Variants in TMEM207 observed in about 807,000 individuals in gnomAD.
The protein encoded by TMEM207 is SRSR846.
A neutral mutation model predicts 17.4 loss-of-function variants in TMEM207; 15 were observed. That is an observed-to-expected ratio of 0.86 (90% CI 0.58 to 1.33). TMEM207 has a LOEUF of 1.33. Among genes scored for constraint, TMEM207 ranks in the 40% most tolerant of loss-of-function variants. The pLI, the probability that TMEM207 is intolerant of heterozygous loss-of-function variation, is 0.00. For synonymous variants in TMEM207, 70 were observed against 65.6 expected (o/e 1.07, Z -0.33); for missense variants, 205 against 173.8 (o/e 1.18, Z -1.01).
chr3:190,444,729 C>T (rs1055363998), intron 2 of TMEM207, among the ~76,000 whole-genome samples: 2 of 152,170 alleles, frequency 1.3e-5, no homozygotes, highest in Non-Finnish European at 2.9e-5. Context: ...ACCAGATGTA[C>T]AACTATTCCT....
intron 4 of TMEM207, among the ~76,000 whole-genome samples, chr3:190,440,007 A>G (rs1377516991): frequency 6.6e-6 from 1 of 152,192 alleles, no homozygotes. Flanking sequence ...CAAAATATTT[A>G]GTTGCTTTCC....
At chr3:190,430,220 C>A (rs73055924) in intron 4 of TMEM207, among the ~76,000 whole-genome samples, 1 of 151,676 alleles carries the variant, frequency 6.6e-6, no homozygotes, top group Non-Finnish European at 1.5e-5. Flanking sequence ...GATGAAAGCA[C>A]GCATTTAAAG....
intron 4 of TMEM207, among the ~76,000 whole-genome samples, chr3:190,430,703 T>G (rs189585057): frequency 3.0e-4 from 45 of 152,220 alleles, no homozygotes; most frequent in Non-Finnish European, 5.4e-4. Context: ...ATTGAATTTA[T>G]GAAACACAAT....
chr3:190,430,409 T>C (rs1409950356), intron 4 of TMEM207, among the ~76,000 whole-genome samples: 1 of 151,872 alleles, frequency 6.6e-6, no homozygotes, highest in Non-Finnish European at 1.5e-5. Flanking sequence ...TTTTGGAAAT[T>C]GTCTGTTAGT....
chr3:190,444,558 C>T (rs561827428), intron 2 of TMEM207: 2 of 554,482 alleles, frequency 3.6e-6, no homozygotes, highest in Admixed American at 1.3e-4. Context: ...AGAGAATAGG[C>T]CAATAGTGAG....
chr3:190,438,785 A>G (rs2108535022), intron 4 of TMEM207, among the ~76,000 whole-genome samples: 1 of 152,332 alleles, frequency 6.6e-6, no homozygotes, highest in African/African-American at 2.4e-5. Flanking sequence ...TTTGACTAAC[A>G]TATTTTGTTA....
intron 4 of TMEM207, among the ~76,000 whole-genome samples, chr3:190,435,970 T>C (rs1278141732): frequency 6.6e-6 from 1 of 152,218 alleles, no homozygotes; most frequent in Admixed American, 6.5e-5. Context: ...ATAGTATCAG[T>C]AGTTCTGATT....
chr3:190,448,062 C>T (rs1326250885), intron 1 of TMEM207, among the ~76,000 whole-genome samples: 2 of 152,176 alleles, frequency 1.3e-5, no homozygotes, highest in Non-Finnish European at 2.9e-5. Context: ...TCCATTTCTA[C>T]ATACCAATAT....
intron 2 of TMEM207, among the ~76,000 whole-genome samples, chr3:190,442,929 A>G (rs1008646164): frequency 2.0e-5 from 3 of 152,246 alleles, no homozygotes; most frequent in Non-Finnish European, 4.4e-5. Flanking sequence ...ACATAAATTT[A>G]CACCAGACTA....
chr3:190,430,290 G>T (rs1719665298), intron 4 of TMEM207, among the ~76,000 whole-genome samples: 2 of 151,784 alleles, frequency 1.3e-5, no homozygotes, highest in South Asian at 4.2e-4. Context: ...GGAAATCAAA[G>T]TTCTTGACTT....
intron 2 of TMEM207, chr3:190,444,518 AT>A: frequency 9.6e-6 from 8 of 833,040 alleles, no homozygotes; most frequent in Non-Finnish European, 1.2e-5. Flanking sequence ...AAAAAAAAAA[AT>A]AGAAATGAGA....
chr3:190,443,156 T>TTG (rs1719970801), intron 2 of TMEM207, among the ~76,000 whole-genome samples: 2 of 150,260 alleles, frequency 1.3e-5, no homozygotes, highest in African/African-American at 2.5e-5. Context: ...TTTTTTTTTT[T>TTG]TTTGTTTTGT....
At chr3:190,444,806 C>G (rs1720009943) in intron 2 of TMEM207, among the ~76,000 whole-genome samples, 2 of 152,082 alleles carry the variant, frequency 1.3e-5, no homozygotes, top group Non-Finnish European at 2.9e-5. Flanking sequence ...AACATAAGAA[C>G]AATGTTTTCC....
At chr3:190,435,111 A>G (rs550590756) in intron 4 of TMEM207, among the ~76,000 whole-genome samples, 1 of 152,186 alleles carries the variant, frequency 6.6e-6, no homozygotes, top group East Asian at 1.9e-4. Flanking sequence ...ACTCCCCAAG[A>G]GAGCAGCTGT....
chr3:190,437,677 T>G (rs113269098), intron 4 of TMEM207, among the ~76,000 whole-genome samples: 3,911 of 151,950 alleles, frequency 0.026, 177 homozygotes, highest in African/African-American at 0.09. Context: ...AACCATTGTG[T>G]AAGTCAGTGT....
chr3:190,449,092 T>A (rs953642565), intron 1 of TMEM207, among the ~76,000 whole-genome samples: 1 of 152,244 alleles, frequency 6.6e-6, no homozygotes, highest in Non-Finnish European at 1.5e-5. Context: ...TTCCGTGTTT[T>A]TTCTGTGTGT....
At chr3:190,433,407 T>C (rs1055634353) in intron 4 of TMEM207, among the ~76,000 whole-genome samples, 1 of 152,102 alleles carries the variant, frequency 6.6e-6, no homozygotes, top group African/African-American at 2.4e-5. Context: ...ATTTAAAAAA[T>C]AAAACAAAAC....
chr3:190,437,991 C>T (rs187330665), intron 4 of TMEM207, among the ~76,000 whole-genome samples: 24 of 150,866 alleles, frequency 1.6e-4, no homozygotes, highest in Admixed American at 9.2e-4. Context: ...AGTAAACTAT[C>T]GCAAGGACAA....
At chr3:190,441,589 A>C (rs1365330817) in intron 2 of TMEM207, 107 bp from the exon 3 acceptor site, 11 of 840,866 alleles carry the variant, frequency 1.3e-5, no homozygotes, top group Non-Finnish European at 2.1e-5. Context: ...CAGAACAGTC[A>C]CCTACATATT....
Sources: allele counts gnomAD v4.1 joint callset (sites outside exome capture counted in the v4.1 genomes callset), GRCh38; gene constraint gnomAD v4.1.1; transcripts MANE v1.5; gene names NCBI Gene and HGNC (gene_info 2026-07-23, HGNC 2026-07-21).